The following KCND1 variants were observed in gnomAD, a reference collection of about 807,000 sequenced individuals.
KCND1 encodes the protein potassium voltage-gated channel subfamily D member 1.
A neutral mutation model predicts 31.8 loss-of-function variants in KCND1; 11 were observed. The observed-to-expected ratio is 0.35, with a 90% CI of 0.22 to 0.57. KCND1 has a LOEUF of 0.57. Ranked by LOEUF, KCND1 falls within the 20% of genes least tolerant of loss-of-function variation. The pLI, the probability that KCND1 is intolerant of heterozygous loss-of-function variation, is 0.85. For missense variants in KCND1, 471 were observed against 596.8 expected (o/e 0.79, Z 2.20); for synonymous variants, 234 against 248.1 (o/e 0.94, Z 0.53).
At chrX:48,966,907 G>A (rs1557058124) in intron 2 of KCND1, 37 bp downstream of exon 2, 3 of 1,206,323 alleles carry the variant, frequency 2.5e-6, no homozygotes, top group Non-Finnish European at 3.4e-6. Context: ...CTTGGGGTGT[G>A]GGGAGTAGGA....
At chrX:48,968,770 G>C (rs1369360136) in intron 1 of KCND1, among the ~76,000 whole-genome samples, 1 of 112,310 alleles carries the variant, frequency 8.9e-6, no homozygotes, top group Non-Finnish European at 1.9e-5. Flanking sequence ...AAAAGAGAAA[G>C]AGGCCAGGCG....
Position 48,962,477 on chromosome X carries a change from C to T in KCND1, c.*104G>A, listed in dbSNP as rs2064326414. On this transcript the variant is annotated 3_prime_UTR_variant, in exon 6 of 6. Transcript: ENST00000218176. ...ATTGCATAGTTCTCAGTGGGGGGGGCAGAAGGGGTGCCCAAGCCTGCCCCT... is the reference window on the plus strand; with the variant it reads ...ATTGCATAGTTCTCAGTGGGGGGGGTAGAAGGGGTGCCCAAGCCTGCCCCT... The T allele has an allele frequency of 5.6e-6, 3 of 538,970 alleles. No individual in the cohort carries two copies. Among genetic ancestry groups the T allele is most frequent in the Non-Finnish European group, 9.2e-6 (3 of 324,954 alleles). 44.4% of individuals were successfully genotyped at this position (538,970 alleles called of 1,213,427 possible).
chrX:48,970,267 G>A lies in KCND1; in HGVS notation c.5C>T (p.Ala2Val), dbSNP rs200530989. The A allele has an allele frequency of 8.4e-6, 10 of 1,192,334 alleles. No individual in the cohort carries two copies. Among genetic ancestry groups the A allele is most frequent in the Non-Finnish European group, 1.1e-5 (10 of 887,149 alleles). The change falls in exon 1 of 6, where the codon GCG becomes GTG. Residue 2 changes from alanine (A) to valine (V), a missense_variant. By Grantham distance (64) the Ala-to-Val change is moderately conservative. Transcript: ENST00000218176. M[A>V]AGLATWLPFA... is the part of the protein sequence containing the mutation. ...AGGCAGCCACGTGGCCAGGCCTGCC[G>A]CCATCGTGCCACTCCCCAAGCCCAG... is the stretch of plus-strand genomic sequence containing the variant.
chrX:48,964,242 G>A (rs1360737418), intron 5 of KCND1, among the ~76,000 whole-genome samples: 5 of 112,192 alleles, frequency 4.5e-5, no homozygotes, highest in African/African-American at 1.6e-4. Flanking sequence ...AAATTGGCTG[G>A]GTGTGGTGGC....
chrX:48,966,770 C>T lies in KCND1; in HGVS notation c.1359G>A (p.Gly453=), dbSNP rs782210125. 4.2e-6 allele frequency: 5 copies of T among 1,204,480 alleles called. No individual in the cohort carries two copies. The highest frequency in any genetic ancestry group is 1.8e-5 in the African/African-American group (1 of 56,032). The part of the protein sequence containing the change: ...TNAFLQYKQN[G]GLEDSGSGEE... ...CCAGGCCCCGACCCACCTCAAGGCCCCCATTCTGCTTGTACTGCAGGAAGG... is the reference window on the plus strand; with the variant it reads ...CCAGGCCCCGACCCACCTCAAGGCCTCCATTCTGCTTGTACTGCAGGAAGG... Residue 453 remains glycine, a synonymous_variant, in exon 3 of 6, where the codon GGG becomes GGA. Coordinates refer to ENST00000218176, the MANE Select transcript of KCND1 (RefSeq NM_004979.6).
Position 48,971,001 on chromosome X carries a change from G to A in KCND1, c.-730C>T, listed in dbSNP as rs1348955935. 9.1e-6 allele frequency: 1 copy of A among 110,001 alleles called. No individual in the cohort carries two copies. Among genetic ancestry groups the A allele is most frequent in the Admixed American group, 9.6e-5 (1 of 10,372 alleles). 9.1% of individuals were successfully genotyped at this position (110,001 alleles called of 1,213,427 possible). ...TGCCTAGAGTTGCCAAGAATAGCCCGGGGGGGTGTCTATACTCTACAGGAG... is the reference window on the plus strand; with the variant it reads ...TGCCTAGAGTTGCCAAGAATAGCCCAGGGGGGTGTCTATACTCTACAGGAG... On this transcript the variant is annotated 5_prime_UTR_variant, in exon 1 of 6. Coordinates refer to ENST00000218176, the MANE Select transcript of KCND1 (RefSeq NM_004979.6).
chrX:48,965,053 C>CTT (rs1181879673), intron 5 of KCND1, among the ~76,000 whole-genome samples: 5 of 84,055 alleles, frequency 5.9e-5, no homozygotes, highest in African/African-American at 1.3e-4. Context: ...CTGCTGTATG[C>CTT]TTTTTTTTTT....
At chrX:48,962,941 A>G (rs1557057415) in intron 5 of KCND1, 135 bp from the exon 6 acceptor site, 6 of 474,561 alleles carry the variant, frequency 1.3e-5, no homozygotes, top group Middle Eastern at 5.9e-4. Context: ...GTTCGAGACC[A>G]GCCTGACCAA....
At position 48,962,277 on chromosome X, in the gene KCND1, G is replaced by C. The variant is rs1310171029; in HGVS notation, c.*304C>G. 2 of 265,320 alleles carry C rather than the reference G, an allele frequency of 7.5e-6. No homozygotes were observed. Among genetic ancestry groups the C allele is most frequent in the Admixed American group, 1.2e-4 (2 of 16,581 alleles). The allele number at this position is 265,320 out of a possible 1,213,427, so 21.9% of individuals were successfully genotyped here. A position where few individuals can be genotyped will look rare whatever the true frequency, so the allele number is the denominator to read the frequency against. On this transcript the variant is annotated 3_prime_UTR_variant, in exon 6 of 6. Coordinates refer to ENST00000218176, the MANE Select transcript of KCND1 (RefSeq NM_004979.6). ...TTCATCTGAGAGCCCAAGGGGAGGA[G>C]CATGCAGGAGTCCAGCTGGGAGAGT...
chrX:48,962,727 T>A lies in KCND1; in HGVS notation c.1798A>T (p.Ser600Cys). Reference protein sequence around the residue: ...DSRDFVAAIISIPTPPANTPD... With the variant: ...DSRDFVAAIICIPTPPANTPD... ...GTGTTGGCAGGAGGGGTAGGGATGC[T>A]GATAATGGCAGCCACGAAGTCCCGG... The change falls in exon 6 of 6, where the codon AGC becomes TGC. Residue 600 changes from serine (S) to cysteine (C), a missense_variant. Physicochemically the swap from Ser to Cys is moderately radical, Grantham distance 112 (BLOSUM62 -1). This residue lies in a region of KCND1 where 185 missense variants were observed against 184.7 expected (regional missense o/e 1.00). Coordinates refer to ENST00000218176, the MANE Select transcript of KCND1 (RefSeq NM_004979.6). 7 of 1,210,758 alleles carry A rather than the reference T, an allele frequency of 5.8e-6. No individual in the cohort carries two copies. Among genetic ancestry groups the A allele is most frequent in the Non-Finnish European group, 7.8e-6 (7 of 895,051 alleles).
chrX:48,969,953 G>A lies in KCND1; in HGVS notation c.319C>T (p.Arg107Trp), dbSNP rs782678377. Residue 107 changes from arginine (R) to tryptophan (W), a missense_variant, in exon 1 of 6, where the codon CGG (arginine) becomes TGG (tryptophan). Arg to Trp is a moderately radical substitution (Grantham distance 101). Coordinates refer to ENST00000218176, the MANE Select transcript of KCND1 (RefSeq NM_004979.6). ...FYRTGRLHCP[R>W]QECIQAFDEE... ...TCGAAGGCCTGGATGCACTCCTGCCGTGGGCAATGCAGCCGCCCCGTTCGG... is the reference window on the plus strand; with the variant it reads ...TCGAAGGCCTGGATGCACTCCTGCCATGGGCAATGCAGCCGCCCCGTTCGG... The A allele has an allele frequency of 8.3e-6, 10 of 1,210,032 alleles. No homozygotes were observed. Among genetic ancestry groups the A allele is most frequent in the South Asian group, 1.8e-5 (1 of 56,737 alleles).
At position 48,969,768 on chromosome X, in the gene KCND1, C is replaced by T. The variant is rs1557058593; in HGVS notation, c.504G>A (p.Leu168=). The T allele has an allele frequency of 1.7e-6, 2 of 1,209,174 alleles. No individual in the cohort carries two copies. Among genetic ancestry groups the T allele is most frequent in the South Asian group, 3.5e-5 (2 of 56,701 alleles). Residue 168 remains leucine (L), a synonymous_variant, in exon 1 of 6, where the codon CTG becomes CTA. Coordinates refer to ENST00000218176, the MANE Select transcript of KCND1 (RefSeq NM_004979.6). The part of the protein sequence containing the change: ...DGPALPAGSS[L]RQRLWRAFEN... Reference sequence around the variant, plus strand: ...CGAAGGCCCGCCAGAGCCGCTGCCGCAGGGAGCTGCCTGCTGGCAGGGCTG... The same window carrying T: ...CGAAGGCCCGCCAGAGCCGCTGCCGTAGGGAGCTGCCTGCTGGCAGGGCTG...
chrX:48,964,586 G>A (rs895648335), intron 5 of KCND1, among the ~76,000 whole-genome samples: 22 of 106,916 alleles, frequency 2.1e-4, no homozygotes, highest in Admixed American at 1.6e-3. Context: ...GTATGGTGGC[G>A]GACACCTGTA....
At position 48,970,434 on chromosome X, in the gene KCND1, A is replaced by G. The variant is rs2064381766; in HGVS notation, c.-163T>C. 8.8e-6 allele frequency: 4 copies of G among 454,547 alleles called. No homozygotes were observed. Among genetic ancestry groups the G allele is most frequent in the African/African-American group, 5.0e-5 (2 of 40,060 alleles). The allele number at this position is 454,547 out of a possible 1,213,427, so 37.5% of individuals were successfully genotyped here. A position where few individuals can be genotyped will look rare whatever the true frequency, so the allele number is the denominator to read the frequency against. The stretch of plus-strand genomic sequence containing the variant: ...GGAACCAGGAGGAAGAACTAAAGAG[A>G]TGGGAAGGAGTCTGGGGGACATTTA... On this transcript the variant is annotated 5_prime_UTR_variant, in exon 1 of 6. Transcript: ENST00000218176.
At chrX:48,965,613 T>C (rs1280170541) in intron 5 of KCND1, among the ~76,000 whole-genome samples, 2 of 111,452 alleles carry the variant, frequency 1.8e-5, no homozygotes, top group African/African-American at 6.5e-5. Context: ...AGGTGGCTCA[T>C]GTCTGTAATT....
intron 1 of KCND1, chrX:48,967,836 G>A (rs1013679243): frequency 9.0e-6 from 1 of 111,679 alleles, no homozygotes; most frequent in African/African-American, 3.3e-5. Flanking sequence ...TCCTTATTTC[G>A]GTATTTTCAC....
intron 5 of KCND1, among the ~76,000 whole-genome samples, chrX:48,965,196 G>A (rs1474519850): frequency 9.3e-6 from 1 of 107,929 alleles, no homozygotes; most frequent in African/African-American, 3.4e-5. Flanking sequence ...GGGATTACAG[G>A]TGCGCGCCAC....
Position 48,966,625 on chromosome X carries a change from A to C in KCND1, c.1420T>G (p.Phe474Val). The C allele has an allele frequency of 1.7e-5, 21 of 1,210,274 alleles. No individual in the cohort carries two copies. The highest frequency in any genetic ancestry group is 2.3e-5 in the Non-Finnish European group (21 of 894,819). The change falls in exon 4 of 6, where the codon TTT becomes GTT. Residue 474 changes from phenylalanine to valine, a missense_variant. Transcript: ENST00000218176. Reference protein sequence around the residue: ...QALCVRNRSAFEQQHHHLLHC... With the variant: ...QALCVRNRSAVEQQHHHLLHC... ...AGCAAGTGGTGATGTTGCTGTTCAA[A>C]GGCAGAACGGTTCCTGACACAAAGA...
chrX:48,966,680 G>A lies in KCND1; in HGVS notation c.1369-4C>T. On this transcript the variant is annotated splice_region_variant and splice_polypyrimidine_tract_variant and intron_variant, in intron 3 of 5. Coordinates refer to ENST00000218176, the MANE Select transcript of KCND1 (RefSeq NM_004979.6). ...GTTCCTCGCCACTGCCGCTGTCCTG[G>A]AGTAGATGGAGCAGAGCGATAAGGG... 1 of 1,208,011 alleles carries A rather than the reference G, an allele frequency of 8.3e-7. No individual in the cohort carries two copies. Among genetic ancestry groups the A allele is most frequent in the South Asian group, 1.8e-5 (1 of 56,680 alleles).
Sources: allele counts gnomAD v4.1 joint callset (sites outside exome capture counted in the v4.1 genomes callset), GRCh38; gene constraint gnomAD v4.1.1; regional missense constraint gnomAD v4.1.1; transcripts MANE v1.5; gene names NCBI Gene and HGNC (gene_info 2026-07-23, HGNC 2026-07-21).